Variants in TMEM114 observed in about 807,000 individuals in gnomAD.
TMEM114 encodes the protein transmembrane protein 114.
In TMEM114, 6 loss-of-function variants were observed where a neutral mutation model predicts 6.2. The ratio of observed to expected loss-of-function variants is 0.97; its 90% CI spans 0.53 to 1.91. The LOEUF is 1.91. Ranked by LOEUF, TMEM114 falls within the 40% of genes most tolerant of loss-of-function variation. The probability of loss-of-function intolerance (pLI) is 0.01; values close to 1 mark genes in which losing one functional copy is unlikely to be tolerated. For missense variants in TMEM114, 218 were observed against 158.3 expected, an observed-to-expected ratio of 1.38 and a Z score of -2.02; for synonymous variants, 104 against 73.0, an observed-to-expected ratio of 1.42 and a Z score of -2.16.
intron 2 of TMEM114, among the ~76,000 whole-genome samples, chr16:8,552,756 G>A (rs1382988678): frequency 6.7e-6 from 1 of 150,314 alleles, no homozygotes; most frequent in Non-Finnish European, 1.5e-5. Flanking sequence ...ACCTGCTCCT[G>A]AATTCTCTAA....
Position 8,558,654 on chromosome 16 carries a change from T to C in TMEM114, n.213-20828A>G, listed in dbSNP as rs60977377. ...ACAGTCCCCTATTTAGGCAAGCAAC[T>C]ACAACACCCACCCTGAGCATTTCAC... On this transcript the variant is annotated intron_variant and non_coding_transcript_variant, in intron 2 of 2. Coordinates refer to the TMEM114 transcript ENST00000623677. Among the ~76,000 whole-genome samples the C allele has an allele frequency of 5.5e-3, 844 of 152,140 alleles. 7 individuals carry two copies. Among genetic ancestry groups the C allele is most frequent in the African/African-American group, 0.019 (800 of 41,496 alleles).
downstream of TMEM114, among the ~76,000 whole-genome samples, chr16:8,533,708 G>A (rs2141641205): frequency 6.6e-6 from 1 of 152,186 alleles, no homozygotes; most frequent in East Asian, 1.9e-4. Context: ...AGTGTCCCAT[G>A]AACTATTGAC....
chr16:8,567,675 G>A (rs1480823881), downstream of TMEM114, among the ~76,000 whole-genome samples: 2 of 152,116 alleles, frequency 1.3e-5, no homozygotes, highest in African/African-American at 2.4e-5. Context: ...ATGTCAGGTG[G>A]GGGAGAGAAT....
chr16:8,554,721 A>T (rs1159156759), intron 2 of TMEM114, among the ~76,000 whole-genome samples: 1 of 152,232 alleles, frequency 6.6e-6, no homozygotes, highest in African/African-American at 2.4e-5. Flanking sequence ...GAATCCTAAA[A>T]GCAGCTGACA....
chr16:8,540,597 T>TG (rs60096811), intron 2 of TMEM114, among the ~76,000 whole-genome samples: 14,560 of 142,002 alleles, frequency 0.1, 841 homozygotes, highest in Middle Eastern at 0.22. Context: ...TGGGAGTTGA[T>TG]AAGAACAGGT....
At chr16:8,579,371 T>G (rs1044330928) in intron 2 of TMEM114, among the ~76,000 whole-genome samples, 4 of 152,210 alleles carry the variant, frequency 2.6e-5, no homozygotes, top group Admixed American at 2.6e-4. Flanking sequence ...TTCCTAACCT[T>G]GTCAGTGTGA....
intron 3 of TMEM114, among the ~76,000 whole-genome samples, chr16:8,571,057 TC>T (rs1156533871): frequency 3.3e-5 from 5 of 151,812 alleles, no homozygotes; most frequent in African/African-American, 1.2e-4. Context: ...TATTTTCACC[TC>T]CAGACATCCC....
intron 2 of TMEM114, among the ~76,000 whole-genome samples, chr16:8,555,532 G>T (rs1438087223): frequency 2.0e-5 from 3 of 152,202 alleles, no homozygotes; most frequent in South Asian, 2.1e-4. Context: ...TGTTGTCATG[G>T]CAATGGTAAA....
chr16:8,556,951 C>G (rs955369249), intron 2 of TMEM114, among the ~76,000 whole-genome samples: 1 of 152,146 alleles, frequency 6.6e-6, no homozygotes, highest in African/African-American at 2.4e-5. Flanking sequence ...TCTGTTCTTG[C>G]TAAGGATGCA....
chr16:8,538,643 G>A (rs995154926), intron 2 of TMEM114, among the ~76,000 whole-genome samples: 2 of 151,996 alleles, frequency 1.3e-5, no homozygotes, highest in African/African-American at 2.4e-5. Context: ...CAGCAGCTGC[G>A]ACTACAGGCG....
At chr16:8,529,091 A>T in the TMEM114 span, among the ~76,000 whole-genome samples, 15 of 152,220 alleles carry the variant, frequency 9.9e-5, no homozygotes, top group Non-Finnish European at 1.8e-4. Flanking sequence ...GGACAGCAAA[A>T]TCCTCAGCAT....
downstream of TMEM114, chr16:8,569,365 C>G: frequency 2.7e-6 from 2 of 746,624 alleles, no homozygotes; most frequent in Non-Finnish European, 3.3e-6. Flanking sequence ...GAGAGCTGAA[C>G]GCATTACAGG....
At position 8,569,812 on chromosome 16, in the gene TMEM114, G is replaced by C; in HGVS notation, c.633C>G (p.Arg211=). 6.4e-7 allele frequency: 1 copy of C among 1,550,854 alleles called. No homozygotes were observed. The highest frequency in any genetic ancestry group is 8.7e-7 in the Non-Finnish European group (1 of 1,146,922). Residue 211 remains arginine (R), a synonymous_variant, in exon 4 of 4, where the codon CGC becomes CGG. Transcript: ENST00000620492. ...CCTGCCTCCGTCTCAGGCTGAGCTC[G>C]CGGGCTGCTGCCAGGAAGGCTGCCC... The part of the protein sequence containing the change: ...LTGAAFLAAA[R]ELSLRRRQDQ...
At position 8,560,979 on chromosome 16, in the gene TMEM114, G is replaced by C. The variant is rs80021000; in HGVS notation, n.213-23153C>G. Among the ~76,000 whole-genome samples the C allele has an allele frequency of 9.9e-3, 1,509 of 152,310 alleles. 19 individuals are homozygous for C. Among genetic ancestry groups the C allele is most frequent in the Middle Eastern group, 0.02 (6 of 294 alleles). ...ACACGTCTTATATCACAGCAGGCGAGACAGGGAATGAGAGCCAAGCAAAAG... is the reference window on the plus strand; with the variant it reads ...ACACGTCTTATATCACAGCAGGCGACACAGGGAATGAGAGCCAAGCAAAAG... On this transcript the variant is annotated intron_variant and non_coding_transcript_variant, in intron 2 of 2. Coordinates refer to the TMEM114 transcript ENST00000623677.
chr16:8,563,879 G>A (rs539404469), intron 2 of TMEM114, among the ~76,000 whole-genome samples: 1 of 150,230 alleles, frequency 6.7e-6, no homozygotes, highest in Non-Finnish European at 1.5e-5. Context: ...ATGAGTGAGT[G>A]AGTGAATTAG....
downstream of TMEM114, among the ~76,000 whole-genome samples, chr16:8,567,066 A>AATTT (rs1045389642): frequency 0.031 from 4,453 of 144,418 alleles, 115 homozygotes; most frequent in South Asian, 0.095. Context: ...ACAGCTGGCT[A>AATTT]TTTTTTTTTT....
downstream of TMEM114, among the ~76,000 whole-genome samples, chr16:8,536,181 C>T (rs1007489367): frequency 1.0e-4 from 15 of 150,744 alleles, no homozygotes; most frequent in Non-Finnish European, 1.8e-4. Context: ...GCCGAGATAG[C>T]ACCACTGCAC....
chr16:8,529,716 T>C, the TMEM114 span, among the ~76,000 whole-genome samples: 4 of 151,238 alleles, frequency 2.6e-5, no homozygotes, highest in Non-Finnish European at 4.4e-5. Flanking sequence ...ACTGGAATTC[T>C]TAAAAGAAAA....
intron 2 of TMEM114, among the ~76,000 whole-genome samples, chr16:8,557,037 A>T (rs1901035268): frequency 6.6e-6 from 1 of 152,090 alleles, no homozygotes; most frequent in Non-Finnish European, 1.5e-5. Context: ...TGAATCGGTG[A>T]GGCTTGAGGA....
Sources: gnomAD v4.1 joint callset for allele counts (sites outside exome capture counted in the v4.1 genomes callset) on GRCh38, gnomAD v4.1.1 for gene constraint, MANE v1.5 for transcripts, NCBI Gene and HGNC (gene_info 2026-07-23, HGNC 2026-07-21) for gene names.